The following ADAMTSL3 variants were observed in gnomAD, a reference collection of about 807,000 sequenced individuals.
ADAMTSL3 encodes ADAMTS like 3, also known as ADAMTS-like protein 3.
Under a neutral mutation model 201.7 loss-of-function variants are expected in ADAMTSL3, and 128 were observed. The ratio of observed to expected loss-of-function variants is 0.63; its 90% CI spans 0.55 to 0.73. The LOEUF (loss-of-function observed/expected upper bound fraction) is 0.73, where lower values mean the gene tolerates loss of function less well. Ranked by LOEUF, ADAMTSL3 falls within the 30% of genes least tolerant of loss-of-function variation. The pLI is 0.00. For synonymous variants in ADAMTSL3, 738 were observed against 748.4 expected (o/e 0.99, Z 0.23); for missense variants, 1,990 against 2,119.6 (o/e 0.94, Z 1.20).
chr15:83,893,398 C>T (rs1457281997), intron 13 of ADAMTSL3, among the ~76,000 whole-genome samples: 1 of 152,050 alleles, frequency 6.6e-6, no homozygotes, highest in African/African-American at 2.4e-5. Context: ...AGAAGTGACT[C>T]AAAGTTGAAG....
intron 19 of ADAMTSL3, among the ~76,000 whole-genome samples, chr15:83,943,983 A>G (rs1234261405): frequency 1.3e-5 from 2 of 152,140 alleles, no homozygotes; most frequent in Non-Finnish European, 2.9e-5. Context: ...TTATCTGATA[A>G]CTGAGAAGAC....
intron 17 of ADAMTSL3, among the ~76,000 whole-genome samples, chr15:83,931,538 A>G (rs2066355554): frequency 6.6e-6 from 1 of 152,224 alleles, no homozygotes; most frequent in East Asian, 1.9e-4. Context: ...TGACCCATGT[A>G]TCTACTTTCG....
At chr15:83,844,789 A>G (rs1167109959) in intron 7 of ADAMTSL3, among the ~76,000 whole-genome samples, 1 of 152,210 alleles carries the variant, frequency 6.6e-6, no homozygotes, top group Non-Finnish European at 1.5e-5. Flanking sequence ...GAAAAATAGC[A>G]TGTAGACTGT....
chr15:83,978,475 C>T (rs1030197146), intron 20 of ADAMTSL3, among the ~76,000 whole-genome samples: 7 of 152,226 alleles, frequency 4.6e-5, no homozygotes, highest in Non-Finnish European at 1.0e-4. Flanking sequence ...CCACTGTCTG[C>T]AGAGTGCATG....
At chr15:83,845,447 A>G (rs1048365349) in intron 7 of ADAMTSL3, among the ~76,000 whole-genome samples, 2 of 152,204 alleles carry the variant, frequency 1.3e-5, no homozygotes, top group Non-Finnish European at 2.9e-5. Flanking sequence ...ATATTGTGCA[A>G]TAGAACTGGA....
chr15:83,743,757 G>A (rs938865334), intron 3 of ADAMTSL3, among the ~76,000 whole-genome samples: 4 of 152,184 alleles, frequency 2.6e-5, no homozygotes, highest in South Asian at 2.1e-4. Context: ...TGAGGAGATT[G>A]GATGAAGATA....
chr15:83,704,300 G>T, intron 2 of ADAMTSL3, 89 bp from the exon 3 acceptor site: 4 of 1,572,344 alleles, frequency 2.5e-6, no homozygotes, highest in Non-Finnish European at 2.6e-6. Context: ...TATTAATGGT[G>T]GATTCTCCTG....
chr15:83,810,699 C>A (rs377099528), intron 5 of ADAMTSL3, among the ~76,000 whole-genome samples: 1 of 152,130 alleles, frequency 6.6e-6, no homozygotes. Flanking sequence ...CTTCAGTCTT[C>A]AAAGCCAGCA....
intron 5 of ADAMTSL3, among the ~76,000 whole-genome samples, chr15:83,813,157 A>G (rs72746955): frequency 0.13 from 19,858 of 152,286 alleles, 1,646 homozygotes; most frequent in South Asian, 0.27. Flanking sequence ...CATTGTAGAA[A>G]ATCTAACTGT....
rs1053326986 is a variant in ADAMTSL3, at chr15:84,039,832, A to G, written c.*2026A>G. Reference sequence around the variant, plus strand: ...AAATTTACTTTGATTATTCAGTGGCATCCTTATAAATGTAGGCAGCTTATG... The same window carrying G: ...AAATTTACTTTGATTATTCAGTGGCGTCCTTATAAATGTAGGCAGCTTATG... On this transcript the variant is annotated 3_prime_UTR_variant, in exon 30 of 30. Coordinates refer to ENST00000286744, the MANE Select transcript of ADAMTSL3 (RefSeq NM_207517.3). 12 of 152,628 alleles carry G rather than the reference A, an allele frequency of 7.9e-5. No individual in the cohort carries two copies. The highest frequency in any genetic ancestry group is 2.7e-4 in the African/African-American group (11 of 41,442). 9.5% of individuals were successfully genotyped at this position (152,628 alleles called of 1,614,324 possible).
intron 24 of ADAMTSL3, 60 bp from the exon 25 acceptor site, chr15:84,016,323 G>C (rs1470977001): frequency 2.2e-6 from 3 of 1,362,210 alleles, no homozygotes; most frequent in Admixed American, 3.4e-5. Context: ...GAACACCCAA[G>C]CTGGACCAAT....
chr15:83,928,203 G>A (rs1205549029), intron 17 of ADAMTSL3, among the ~76,000 whole-genome samples: 1 of 152,110 alleles, frequency 6.6e-6, no homozygotes. Flanking sequence ...AAGCTGGAGT[G>A]CAGTGGTGCA....
intron 20 of ADAMTSL3, among the ~76,000 whole-genome samples, chr15:83,972,204 AGTCT>A (rs2067210050): frequency 6.6e-6 from 1 of 152,104 alleles, no homozygotes; most frequent in Non-Finnish European, 1.5e-5. Context: ...CTTGACCACA[AGTCT>A]GTCTGATTCT....
intron 3 of ADAMTSL3, among the ~76,000 whole-genome samples, chr15:83,756,538 T>C (rs962131727): frequency 4.6e-5 from 7 of 152,074 alleles, no homozygotes; most frequent in African/African-American, 1.7e-4. Flanking sequence ...AGATGGGAAT[T>C]ATGGGAGCTG....
In ADAMTSL3 at chr15:84,014,715, C is replaced by T. The variant is rs764834229; in HGVS notation, c.4147C>T (p.His1383Tyr). 15 of 1,610,238 alleles carry T rather than the reference C, an allele frequency of 9.3e-6. No individual in the cohort carries two copies. In the African/African-American group the frequency reaches 1.9e-4, roughly 20 times the overall value. The change falls in exon 24 of 30, where the codon CAC becomes TAC. Residue 1383 changes from histidine to tyrosine, a missense_variant. Physicochemically the swap from His to Tyr is moderately conservative, Grantham distance 83. Coordinates refer to ENST00000286744, the MANE Select transcript of ADAMTSL3 (RefSeq NM_207517.3). Reference protein sequence around the residue: ...LGKAVATSVLHLLERRWPESR... With the variant: ...LGKAVATSVLYLLERRWPESR... ...AAAGGCAGTGGCAACATCTGTACTCCACTTGCTGGGTAAGTGTCAAATTCT... is the reference window on the plus strand; with the variant it reads ...AAAGGCAGTGGCAACATCTGTACTCTACTTGCTGGGTAAGTGTCAAATTCT...
chr15:83,821,830 C>T (rs56882654), intron 6 of ADAMTSL3, among the ~76,000 whole-genome samples: 1,772 of 150,286 alleles, frequency 0.012, 28 homozygotes, highest in African/African-American at 0.041. Flanking sequence ...CGGGCAGAGG[C>T]GCCCCTCACC....
chr15:83,754,041 G>C (rs919269205), intron 3 of ADAMTSL3, among the ~76,000 whole-genome samples: 1 of 152,122 alleles, frequency 6.6e-6, no homozygotes, highest in Non-Finnish European at 1.5e-5. Context: ...GAAAGAACAG[G>C]TTTCTCCACC....
chr15:83,818,312 T>G (rs1193979962), intron 5 of ADAMTSL3, among the ~76,000 whole-genome samples: 3 of 152,190 alleles, frequency 2.0e-5, no homozygotes, highest in Non-Finnish European at 4.4e-5. Context: ...AATAAAATAC[T>G]TTATGGTGTG....
intron 3 of ADAMTSL3, among the ~76,000 whole-genome samples, chr15:83,748,037 A>G (rs1247033433): frequency 1.3e-5 from 2 of 151,876 alleles, no homozygotes; most frequent in Non-Finnish European, 2.9e-5. Context: ...TTCCCCTTAA[A>G]GAAAACATTT....
Sources: gnomAD v4.1 joint callset for allele counts (sites outside exome capture counted in the v4.1 genomes callset) on GRCh38, gnomAD v4.1.1 for gene constraint, MANE v1.5 for transcripts, NCBI Gene and HGNC (gene_info 2026-07-23, HGNC 2026-07-21) for gene names.